MCPH1: variants seen among roughly 807,000 people sequenced by gnomAD.
The protein encoded by MCPH1 is microcephalin 1.
In MCPH1, 104 loss-of-function variants were observed where a neutral mutation model predicts 84.5. That is an observed-to-expected ratio of 1.23 (90% CI 1.05 to 1.45). The LOEUF is 1.45. Ranked by LOEUF, MCPH1 falls within the 40% of genes most tolerant of loss-of-function variation. MCPH1 has a pLI of 0.00. For synonymous variants in MCPH1, 514 were observed against 366.8 expected, an observed-to-expected ratio of 1.40 and a Z score of -4.58; for missense variants, 1,498 against 1,005.7, an observed-to-expected ratio of 1.49 and a Z score of -6.62.
intron 12 of MCPH1, among the ~76,000 whole-genome samples, chr8:6,609,398 T>C (rs1830051830): frequency 6.6e-6 from 1 of 152,208 alleles, no homozygotes; most frequent in South Asian, 2.1e-4. Context: ...TTTATGACTT[T>C]TTAAAAAGTT....
chr8:6,576,364 A>T lies in MCPH1; in HGVS notation c.2215-45090A>T, dbSNP rs146736561. On this transcript the variant is annotated intron_variant, in intron 12 of 13. Coordinates refer to ENST00000344683, the MANE Select transcript of MCPH1 (RefSeq NM_024596.5). ...CTCCAGCACTTAGGCACTTATCCAT[A>T]TGTCTGTAACCATTGTTGTGAGGTT... 1.7e-3 allele frequency among the ~76,000 whole-genome samples: 254 copies of T among 152,150 alleles called. 4 individuals carry two copies. Among genetic ancestry groups the T allele is most frequent in the African/African-American group, 5.9e-3 (245 of 41,428 alleles).
At chr8:6,604,170 G>A (rs987941086) in intron 12 of MCPH1, among the ~76,000 whole-genome samples, 8 of 142,442 alleles carry the variant, frequency 5.6e-5, no homozygotes, top group South Asian at 5.2e-4. Context: ...GTCATAGGCC[G>A]CAGCCAAGTG....
At chr8:6,635,028 T>C (rs1797441672) in intron 13 of MCPH1, 1 of 152,238 alleles carries the variant, frequency 6.6e-6, no homozygotes, top group South Asian at 2.1e-4. Context: ...GCGTGACCTC[T>C]GGCCTACGAC....
intron 8 of MCPH1, among the ~76,000 whole-genome samples, chr8:6,451,992 G>A (rs1805145261): frequency 6.6e-6 from 1 of 152,330 alleles, no homozygotes; most frequent in South Asian, 2.1e-4. Flanking sequence ...AAAGTAGGAT[G>A]TGGAGGAAAA....
chr8:6,587,711 G>T (rs183917828), intron 12 of MCPH1, among the ~76,000 whole-genome samples: 27 of 152,310 alleles, frequency 1.8e-4, no homozygotes, highest in African/African-American at 6.5e-4. Context: ...TTATAAGAAT[G>T]CAGTATTACT....
At chr8:6,508,775 A>T (rs184758175) in intron 12 of MCPH1, 2 of 1,082,084 alleles carry the variant, frequency 1.8e-6, no homozygotes, top group Non-Finnish European at 2.7e-6. Flanking sequence ...AGTCTAAAAA[A>T]AGTGAAAAAC....
intron 12 of MCPH1, among the ~76,000 whole-genome samples, chr8:6,579,079 G>C (rs1827342307): frequency 6.6e-6 from 1 of 152,186 alleles, no homozygotes. Context: ...ATTGAGAACT[G>C]CACCAGACTG....
intron 9 of MCPH1, among the ~76,000 whole-genome samples, chr8:6,460,177 G>A (rs1253776179): frequency 1.3e-5 from 2 of 151,746 alleles, no homozygotes; most frequent in Non-Finnish European, 2.9e-5. Context: ...GCAATCTCGT[G>A]TGCTATCCTT....
intron 12 of MCPH1, among the ~76,000 whole-genome samples, chr8:6,510,038 A>G (rs1814682619): frequency 1.3e-5 from 2 of 152,222 alleles, no homozygotes; most frequent in Admixed American, 6.5e-5. Flanking sequence ...TAAAGTCGAA[A>G]AATCTTAAGT....
At chr8:6,527,874 T>C (rs1214265511) in intron 12 of MCPH1, among the ~76,000 whole-genome samples, 2 of 151,848 alleles carry the variant, frequency 1.3e-5, no homozygotes, top group African/African-American at 2.4e-5. Context: ...GTGTTAAACC[T>C]TTTTACTCTT....
chr8:6,430,952 C>T (rs1193273999), intron 3 of MCPH1, among the ~76,000 whole-genome samples: 2 of 152,136 alleles, frequency 1.3e-5, no homozygotes, highest in Non-Finnish European at 2.9e-5. Flanking sequence ...CGAAGGTGGA[C>T]AGGAGAAATG....
intron 12 of MCPH1, among the ~76,000 whole-genome samples, chr8:6,530,021 A>T (rs945393446): frequency 2.0e-5 from 3 of 151,698 alleles, no homozygotes; most frequent in East Asian, 1.9e-4. Context: ...TTATTTTTTT[A>T]AATTTTTGCC....
intron 2 of MCPH1, among the ~76,000 whole-genome samples, chr8:6,412,462 T>G (rs1054828387): frequency 1.3e-5 from 2 of 152,242 alleles, no homozygotes; most frequent in African/African-American, 4.8e-5. Flanking sequence ...TCGTAAGATT[T>G]GGATATTTGT....
At chr8:6,475,022 T>G (rs917878511) in intron 9 of MCPH1, among the ~76,000 whole-genome samples, 3 of 152,220 alleles carry the variant, frequency 2.0e-5, no homozygotes, top group Non-Finnish European at 4.4e-5. Context: ...TTATTGGAAG[T>G]TCAATTTCCT....
chr8:6,641,212 A>T (rs1245766215), intron 13 of MCPH1, among the ~76,000 whole-genome samples: 2 of 151,992 alleles, frequency 1.3e-5, no homozygotes, highest in Non-Finnish European at 2.9e-5. Context: ...TTTTTTCTGC[A>T]TTTTTTTATG....
intron 3 of MCPH1, among the ~76,000 whole-genome samples, chr8:6,425,098 C>T (rs984255610): frequency 2.6e-5 from 4 of 152,072 alleles, no homozygotes; most frequent in South Asian, 2.1e-4. Flanking sequence ...GTCGGTGGTT[C>T]CTGGCCGACC....
chr8:6,464,593 C>G (rs546592541), intron 9 of MCPH1, among the ~76,000 whole-genome samples: 60 of 152,318 alleles, frequency 3.9e-4, no homozygotes, highest in African/African-American at 1.4e-3. Flanking sequence ...TCTCCTGTGC[C>G]TCAGTGGTCG....
chr8:6,536,257 C>T (rs575083614), intron 12 of MCPH1, among the ~76,000 whole-genome samples: 64 of 152,146 alleles, frequency 4.2e-4, no homozygotes, highest in Admixed American at 7.2e-4. Context: ...TCTTGGTTGC[C>T]GGCACTGCCT....
At chr8:6,484,714 C>T (rs1477273853) in intron 11 of MCPH1, among the ~76,000 whole-genome samples, 2 of 152,240 alleles carry the variant, frequency 1.3e-5, no homozygotes, top group Non-Finnish European at 2.9e-5. Flanking sequence ...ATAGGTACAG[C>T]AGCTTGCATG....
Sources: allele counts gnomAD v4.1 joint callset (sites outside exome capture counted in the v4.1 genomes callset), GRCh38; gene constraint gnomAD v4.1.1; transcripts MANE v1.5; gene names NCBI Gene and HGNC (gene_info 2026-07-23, HGNC 2026-07-21).